Variants in MEI4 observed in about 807,000 individuals in gnomAD.
MEI4 encodes the protein meiotic double-stranded break formation protein 4, also known as meiosis-specific protein MEI4.
In MEI4, 27 loss-of-function variants were observed where a neutral mutation model predicts 31.4. The ratio of observed to expected loss-of-function variants is 0.86; its 90% CI spans 0.63 to 1.19. The LOEUF (loss-of-function observed/expected upper bound fraction) is 1.19, where lower values mean the gene tolerates loss of function less well. Among genes scored for constraint, MEI4 ranks in the 50% most tolerant of loss-of-function variants. The probability of loss-of-function intolerance (pLI) is 0.00; values close to 1 mark genes in which losing one functional copy is unlikely to be tolerated. For missense variants in MEI4, 329 were observed against 398.9 expected, an observed-to-expected ratio of 0.82 and a Z score of 1.49; for synonymous variants, 122 against 145.4, an observed-to-expected ratio of 0.84 and a Z score of 1.16.
At chr6:77,753,475 A>G (rs1351759285) in intron 2 of MEI4, among the ~76,000 whole-genome samples, 2 of 152,254 alleles carry the variant, frequency 1.3e-5, no homozygotes, top group East Asian at 3.9e-4. Flanking sequence ...GAAGGCATTT[A>G]TGCAGCCAAC....
At chr6:77,757,094 T>C (rs565530976) in intron 2 of MEI4, among the ~76,000 whole-genome samples, 1 of 152,350 alleles carries the variant, frequency 6.6e-6, no homozygotes, top group East Asian at 1.9e-4. Context: ...TGTGGCTCTT[T>C]CTCAGTTCTC....
intron 4 of MEI4, among the ~76,000 whole-genome samples, chr6:77,903,878 A>C (rs1766238110): frequency 6.6e-6 from 1 of 151,988 alleles, no homozygotes; most frequent in Non-Finnish European, 1.5e-5. Flanking sequence ...TACCCTTTCT[A>C]TATTTAGTTT....
At chr6:77,733,870 T>G (rs1225397499) in intron 2 of MEI4, among the ~76,000 whole-genome samples, 1 of 152,082 alleles carries the variant, frequency 6.6e-6, no homozygotes, top group Admixed American at 6.5e-5. Flanking sequence ...TATTTCTGCC[T>G]TCATTTTGTT....
At chr6:77,881,992 AT>A (rs2127728862) in intron 4 of MEI4, among the ~76,000 whole-genome samples, 2 of 152,324 alleles carry the variant, frequency 1.3e-5, no homozygotes, top group South Asian at 4.1e-4. Flanking sequence ...TACTGGTGAG[AT>A]TGCGCTCACT....
intron 3 of MEI4, among the ~76,000 whole-genome samples, chr6:77,798,375 TAAAA>T (rs1001032938): frequency 4.0e-5 from 6 of 151,426 alleles, no homozygotes; most frequent in African/African-American, 1.5e-4. Context: ...TATTAATAAT[TAAAA>T]TAAATATGAA....
chr6:77,881,191 T>C (rs1210328669), intron 4 of MEI4, among the ~76,000 whole-genome samples: 2 of 152,276 alleles, frequency 1.3e-5, no homozygotes, highest in East Asian at 1.9e-4. Flanking sequence ...AAAAGCCTTC[T>C]ATGTTCAAAA....
chr6:77,775,112 G>A (rs1357767557), intron 3 of MEI4, among the ~76,000 whole-genome samples: 1 of 149,778 alleles, frequency 6.7e-6, no homozygotes, highest in Non-Finnish European at 1.5e-5. Flanking sequence ...ACGGCATTTA[G>A]GGACCTCCTG....
In MEI4 at chr6:77,736,340, C is replaced by T. The variant is rs535005483; in HGVS notation, c.233-24790C>T. On this transcript the variant is annotated intron_variant, in intron 2 of 4. Coordinates refer to ENST00000684080, the MANE Select transcript of MEI4 (RefSeq NM_001322247.2). ...ATGTGCGGGATATAATCTCCTGGTG[C>T]GCCGTTTTTAAGCCCGTTGGAAAAG... Among the ~76,000 whole-genome samples the T allele has an allele frequency of 2.4e-4, 36 of 152,124 alleles. 1 individual carries two copies. The highest frequency in any genetic ancestry group is 4.4e-4 in the Non-Finnish European group (30 of 68,018).
intron 2 of MEI4, among the ~76,000 whole-genome samples, chr6:77,749,715 A>T (rs1767715371): frequency 6.6e-6 from 1 of 152,226 alleles, no homozygotes; most frequent in African/African-American, 2.4e-5. Context: ...AGCCAGGAGA[A>T]CTTCCCCAAA....
chr6:77,709,506 AT>A (rs1766408734), intron 2 of MEI4, among the ~76,000 whole-genome samples: 1 of 152,188 alleles, frequency 6.6e-6, no homozygotes, highest in Admixed American at 6.6e-5. Flanking sequence ...AAATGTTAAC[AT>A]TTTACATCAA....
At chr6:77,785,794 T>A (rs993214538) in intron 3 of MEI4, among the ~76,000 whole-genome samples, 1 of 152,168 alleles carries the variant, frequency 6.6e-6, no homozygotes, top group Non-Finnish European at 1.5e-5. Flanking sequence ...AACAGGAAAT[T>A]GAGGAAGGAA....
chr6:77,681,212 C>T (rs1768951471), intron 1 of MEI4, among the ~76,000 whole-genome samples: 1 of 152,110 alleles, frequency 6.6e-6, no homozygotes, highest in Non-Finnish European at 1.5e-5. Context: ...TGGATTCATC[C>T]TATGTTCATT....
chr6:77,732,104 G>A (rs9341686), intron 2 of MEI4, among the ~76,000 whole-genome samples: 3,270 of 150,964 alleles, frequency 0.022, 93 homozygotes, highest in East Asian at 0.093. Flanking sequence ...TTGACTTGGC[G>A]ATGCGGGCTC....
At chr6:77,766,629 ATC>A (rs1768182734) in intron 3 of MEI4, among the ~76,000 whole-genome samples, 1 of 151,886 alleles carries the variant, frequency 6.6e-6, no homozygotes, top group Non-Finnish European at 1.5e-5. Context: ...AGCCAGGATG[ATC>A]TCGATCTCCT....
At chr6:77,902,658 C>T (rs1363912569) in intron 4 of MEI4, among the ~76,000 whole-genome samples, 3 of 152,074 alleles carry the variant, frequency 2.0e-5, no homozygotes, top group Non-Finnish European at 4.4e-5. Flanking sequence ...CCCATTCTAT[C>T]CAAAGTCACC....
intron 4 of MEI4, among the ~76,000 whole-genome samples, chr6:77,860,887 TGTTC>T (rs1217350783): frequency 3.1e-4 from 47 of 152,284 alleles, no homozygotes; most frequent in African/African-American, 1.1e-3. Context: ...TTCTTGAACG[TGTTC>T]CTCCCATTTC....
At chr6:77,752,333 CTG>C (rs1364329081) in intron 2 of MEI4, among the ~76,000 whole-genome samples, 1 of 152,172 alleles carries the variant, frequency 6.6e-6, no homozygotes, top group Non-Finnish European at 1.5e-5. Context: ...CAAATTGTCT[CTG>C]TTTGCAGATG....
At chr6:77,787,932 G>T (rs543101017) in intron 3 of MEI4, among the ~76,000 whole-genome samples, 1 of 152,048 alleles carries the variant, frequency 6.6e-6, no homozygotes. Context: ...TTTTTGCATC[G>T]ATGTTCATCA....
upstream of MEI4, among the ~76,000 whole-genome samples, chr6:77,650,356 C>T (rs145159620): frequency 3.9e-3 from 588 of 152,336 alleles, 3 homozygotes; most frequent in Non-Finnish European, 6.1e-3. Context: ...GGGGTCGAGT[C>T]GGCCGCAGGG....
Sources: gnomAD v4.1 joint callset for allele counts (sites outside exome capture counted in the v4.1 genomes callset) on GRCh38, gnomAD v4.1.1 for gene constraint, MANE v1.5 for transcripts, NCBI Gene and HGNC (gene_info 2026-07-23, HGNC 2026-07-21) for gene names.